ASB15: variants seen among roughly 807,000 people sequenced by gnomAD.
ASB15 encodes the protein ankyrin repeat and SOCS box containing 15, also known as ankyrin repeat and SOCS box protein 15.
In ASB15, 54 loss-of-function variants were observed where a neutral mutation model predicts 58.0. The observed-to-expected ratio is 0.93, with a 90% confidence interval of 0.75 to 1.17. ASB15 has a LOEUF of 1.17. Among genes scored for constraint, ASB15 ranks in the 50% most tolerant of loss-of-function variants. The pLI is 0.00. For synonymous variants in ASB15, 249 were observed against 262.4 expected, an observed-to-expected ratio of 0.95 and a Z score of 0.50; for missense variants, 680 against 707.4, an observed-to-expected ratio of 0.96 and a Z score of 0.44.
chr7:123,637,058 A>C lies in ASB15; in HGVS notation c.*77A>C, dbSNP rs149149230. On this transcript the variant is annotated 3_prime_UTR_variant, in exon 12 of 12. Transcript: ENST00000451215. ...AGATAATTTCTTGTAACCATTTTACATCCTTAATTGTAAAGTGTATTTAAA... is the reference window on the plus strand; with the variant it reads ...AGATAATTTCTTGTAACCATTTTACCTCCTTAATTGTAAAGTGTATTTAAA... The C allele has an allele frequency of 2.8e-5, 28 of 1,004,706 alleles. No individual in the cohort carries two copies. In the African/African-American group the frequency reaches 3.9e-4, roughly 14 times the overall value. 62.2% of individuals were successfully genotyped at this position (1,004,706 alleles called of 1,614,324 possible). A position where few individuals can be genotyped will look rare whatever the true frequency, so the allele number is the denominator to read the frequency against.
At chr7:123,592,542 A>G (rs530563147) in intron 1 of ASB15, among the ~76,000 whole-genome samples, 82 of 152,264 alleles carry the variant, frequency 5.4e-4, no homozygotes, top group African/African-American at 1.6e-3. Flanking sequence ...TTTGTTATGT[A>G]CCCAGTAGTC....
At chr7:123,630,172 G>A in intron 11 of ASB15, 53 bp downstream of exon 11, 5 of 1,343,674 alleles carry the variant, frequency 3.7e-6, no homozygotes, top group Non-Finnish European at 5.1e-6. Flanking sequence ...TTATATGGGG[G>A]AAATTTCTTA....
intron 1 of ASB15, among the ~76,000 whole-genome samples, chr7:123,603,630 A>T (rs556462023): frequency 1.1e-4 from 17 of 152,266 alleles, no homozygotes; most frequent in African/African-American, 3.9e-4. Context: ...GAGCTTAAGG[A>T]CATATAGAAG....
chr7:123,597,448 A>C (rs1007215040), upstream of ASB15, among the ~76,000 whole-genome samples: 2 of 152,184 alleles, frequency 1.3e-5, no homozygotes, highest in Non-Finnish European at 2.9e-5. Flanking sequence ...AAACGTTATC[A>C]TAAGTATCTA....
chr7:123,608,360 G>A (rs1350316650), intron 2 of ASB15, among the ~76,000 whole-genome samples: 2 of 152,168 alleles, frequency 1.3e-5, no homozygotes, highest in African/African-American at 4.8e-5. Flanking sequence ...TTTAGTAAAT[G>A]CTGAGTTTTT....
At chr7:123,593,276 A>C (rs1799595461) in intron 1 of ASB15, among the ~76,000 whole-genome samples, 1 of 152,062 alleles carries the variant, frequency 6.6e-6, no homozygotes, top group Non-Finnish European at 1.5e-5. Flanking sequence ...TTTACATTTA[A>C]GGTTAATATT....
At chr7:123,569,438 A>G (rs1408029468) in intron 1 of ASB15, among the ~76,000 whole-genome samples, 3 of 152,198 alleles carry the variant, frequency 2.0e-5, no homozygotes, top group Non-Finnish European at 4.4e-5. Context: ...AAAAGTCATT[A>G]CTACCTGGTG....
intron 10 of ASB15, 93 bp from the exon 11 acceptor site, chr7:123,629,873 A>T: frequency 1.1e-6 from 1 of 891,690 alleles, no homozygotes; most frequent in Non-Finnish European, 1.7e-6. Flanking sequence ...TATTTTCTGT[A>T]GTAAAACAGA....
At position 123,639,187 on chromosome 7, in the gene ASB15, T is replaced by G. The variant is rs987556669; in HGVS notation, c.*2206T>G. 5 of 152,098 alleles carry G rather than the reference T, an allele frequency of 3.3e-5. No homozygotes were observed. Among genetic ancestry groups the G allele is most frequent in the Non-Finnish European group, 7.4e-5 (5 of 67,956 alleles). 9.4% of individuals were successfully genotyped at this position (152,098 alleles called of 1,614,324 possible). A position where few individuals can be genotyped will look rare whatever the true frequency, so the allele number is the denominator to read the frequency against. On this transcript the variant is annotated 3_prime_UTR_variant, in exon 12 of 12. Coordinates refer to ENST00000451215, the MANE Select transcript of ASB15 (RefSeq NM_001290258.2). Reference sequence around the variant, plus strand: ...GGTCTGTAAAGTTTTCAAGTTGTATTTAGCTTTAGTTACCTTTGAAAGATA... The same window carrying G: ...GGTCTGTAAAGTTTTCAAGTTGTATGTAGCTTTAGTTACCTTTGAAAGATA...
At chr7:123,612,337 GAGAAA>G (rs1010312902) in intron 3 of ASB15, 11 of 152,218 alleles carry the variant, frequency 7.2e-5, no homozygotes, top group Non-Finnish European at 1.2e-4. Flanking sequence ...GGAAAAGATA[GAGAAA>G]AGAAGAGATT....
chr7:123,596,722 G>A (rs1433746021), intron 1 of ASB15, among the ~76,000 whole-genome samples: 2 of 152,112 alleles, frequency 1.3e-5, no homozygotes, highest in Non-Finnish European at 2.9e-5. Context: ...TCTATAGTAT[G>A]TACTGTTAAA....
intron 1 of ASB15, among the ~76,000 whole-genome samples, chr7:123,580,143 T>C (rs1799187072): frequency 6.6e-6 from 1 of 151,952 alleles, no homozygotes; most frequent in Non-Finnish European, 1.5e-5. Flanking sequence ...GGATTTCTAC[T>C]GAAGGAAATG....
intron 1 of ASB15, among the ~76,000 whole-genome samples, chr7:123,602,636 C>T (rs934547563): frequency 6.6e-6 from 1 of 152,132 alleles, no homozygotes; most frequent in African/African-American, 2.4e-5. Context: ...TAATTTTACA[C>T]TTCAGTTATT....
chr7:123,624,796 G>T lies in ASB15; in HGVS notation c.679G>T (p.Glu227Ter), dbSNP rs1169559071. The T allele has an allele frequency of 6.2e-7, 1 of 1,613,966 alleles. No individual in the cohort carries two copies. The highest frequency in any genetic ancestry group is 1.1e-5 in the South Asian group (1 of 91,014). ...AAEYGHCDVL[E>*]HLIHKGGDVL... ...CGAGTATGGTCACTGTGACGTGTTA[G>T]AACATCTAATCCACAAAGGTATGTG... Residue 227 changes from glutamate (E) to a stop codon, truncating the protein, a stop_gained, in exon 8 of 12, where the codon GAA (glutamate) becomes TAA (stop). Transcript: ENST00000451215. LOFTEE classifies it high-confidence loss of function.
chr7:123,634,380 C>T (rs1465291934), intron 11 of ASB15, among the ~76,000 whole-genome samples: 1 of 152,216 alleles, frequency 6.6e-6, no homozygotes, highest in Non-Finnish European at 1.5e-5. Flanking sequence ...AGGACATGAT[C>T]TCATTCCTTT....
chr7:123,576,141 T>C (rs1162446045), intron 1 of ASB15, among the ~76,000 whole-genome samples: 2 of 151,490 alleles, frequency 1.3e-5, no homozygotes, highest in Non-Finnish European at 2.9e-5. Context: ...TTATTTTATT[T>C]TATTTTCTTA....
At chr7:123,635,393 C>G (rs1169766090) in intron 11 of ASB15, among the ~76,000 whole-genome samples, 1 of 151,868 alleles carries the variant, frequency 6.6e-6, no homozygotes, top group Admixed American at 6.6e-5. Context: ...TCTTTTTTAG[C>G]TTGGAGATTG....
At chr7:123,587,853 T>C (rs575716527) in intron 1 of ASB15, among the ~76,000 whole-genome samples, 2 of 151,870 alleles carry the variant, frequency 1.3e-5, no homozygotes, top group African/African-American at 4.8e-5. Flanking sequence ...GATTTACTTA[T>C]GTTAAATTAT....
At chr7:123,602,203 T>C (rs892803965) in intron 1 of ASB15, among the ~76,000 whole-genome samples, 3 of 152,152 alleles carry the variant, frequency 2.0e-5, no homozygotes, top group Non-Finnish European at 2.9e-5. Context: ...CATGTCAATA[T>C]ATTTACTATA....
Sources: allele counts gnomAD v4.1 joint callset (sites outside exome capture counted in the v4.1 genomes callset), GRCh38; gene constraint gnomAD v4.1.1; transcripts MANE v1.5; gene names NCBI Gene and HGNC (gene_info 2026-07-23, HGNC 2026-07-21).